The following TRIO variants were observed in gnomAD, a reference collection of about 807,000 sequenced individuals.
TRIO encodes the protein triple functional domain protein.
Under a neutral mutation model 351.9 loss-of-function variants are expected in TRIO, and 58 were observed. The observed-to-expected ratio is 0.16, with a 90% CI of 0.13 to 0.21. The LOEUF is 0.21. TRIO is among the 10% of genes least tolerant of loss of function. TRIO has a pLI of 1.00. For synonymous variants in TRIO, 1,758 were observed against 1,595.7 expected (o/e 1.10, Z -2.42); for missense variants, 3,201 against 4,027.8 (o/e 0.79, Z 5.56).
At chr5:14,221,256 A>G (rs144651709) in intron 1 of TRIO, among the ~76,000 whole-genome samples, 2 of 152,262 alleles carry the variant, frequency 1.3e-5, no homozygotes, top group African/African-American at 4.8e-5. Context: ...ACTGATGCTC[A>G]TTGACAATAC....
At chr5:14,423,854 C>T (rs1021936773) in intron 34 of TRIO, among the ~76,000 whole-genome samples, 15 of 152,106 alleles carry the variant, frequency 9.9e-5, no homozygotes, top group East Asian at 5.8e-4. Context: ...GCCTGTGTCC[C>T]GCACTACTGC....
intron 37 of TRIO, among the ~76,000 whole-genome samples, chr5:14,471,033 G>T (rs1484064790): frequency 6.6e-6 from 1 of 152,176 alleles, no homozygotes; most frequent in Non-Finnish European, 1.5e-5. Flanking sequence ...ACATAAGCAA[G>T]TATAACATTT....
intron 29 of TRIO, 143 bp from the exon 30 acceptor site, chr5:14,398,737 G>T: frequency 1.4e-6 from 1 of 718,024 alleles, no homozygotes; most frequent in Non-Finnish European, 2.3e-6. Context: ...CAGTGGCGTC[G>T]AGTCAGGATC....
rs771740751 is a variant in TRIO at position 14,359,395 on chromosome 5, G to A, written c.2255G>A (p.Ser752Asn). 1.2e-6 allele frequency: 2 copies of A among 1,614,106 alleles called. No individual in the cohort carries two copies. The highest frequency in any genetic ancestry group is 2.7e-5 in the African/African-American group (2 of 74,954). ...TCCAGTAACAAGACCCCCCACAACAGCTCCATCAACCACATTGAGACGGTG... is the reference window on the plus strand; with the variant it reads ...TCCAGTAACAAGACCCCCCACAACAACTCCATCAACCACATTGAGACGGTG... ...AISSNKTPHN[S>N]SINHIETVLQ... The change falls in exon 13 of 57, where the codon AGC (serine) becomes AAC (asparagine). Residue 752 changes from serine (S) to asparagine (N), a missense_variant. Ser to Asn is a conservative substitution (Grantham distance 46). Coordinates refer to ENST00000344204, the MANE Select transcript of TRIO (RefSeq NM_007118.4).
At chr5:14,259,146 T>G (rs990629320) in intron 1 of TRIO, among the ~76,000 whole-genome samples, 3 of 152,262 alleles carry the variant, frequency 2.0e-5, no homozygotes, top group African/African-American at 7.2e-5. Flanking sequence ...CTTTCGGTTT[T>G]AGTGTGTGTG....
intron 31 of TRIO, among the ~76,000 whole-genome samples, chr5:14,402,722 TGGTGTAGATGGTGGTGATGAG>T (rs1476133115): frequency 6.6e-6 from 1 of 151,592 alleles, no homozygotes; most frequent in East Asian, 1.9e-4. Flanking sequence ...ATGGTGGCAG[TGGTGTAGATGGTGGTGATGAG>T]GGTATAGATG....
At chr5:14,475,400 C>G (rs1313511325) in intron 40 of TRIO, among the ~76,000 whole-genome samples, 1 of 152,188 alleles carries the variant, frequency 6.6e-6, no homozygotes, top group East Asian at 1.9e-4. Flanking sequence ...CCATCAGACT[C>G]CTTCTCTTCT....
chr5:14,210,379 C>T (rs1018043672), intron 1 of TRIO, among the ~76,000 whole-genome samples: 57 of 152,148 alleles, frequency 3.7e-4, no homozygotes, highest in African/African-American at 1.3e-3. Flanking sequence ...CCCCAGGCTC[C>T]GCACCCTCTG....
chr5:14,333,846 C>T (rs1404842720), intron 10 of TRIO, among the ~76,000 whole-genome samples: 1 of 152,176 alleles, frequency 6.6e-6, no homozygotes, highest in Non-Finnish European at 1.5e-5. Flanking sequence ...CTTTTAATCC[C>T]CATGGCAGGG....
At chr5:14,222,107 C>A (rs1007234188) in intron 1 of TRIO, among the ~76,000 whole-genome samples, 1 of 151,646 alleles carries the variant, frequency 6.6e-6, no homozygotes, top group African/African-American at 2.4e-5. Context: ...TTACGACTCT[C>A]TGAAGGCTCA....
In TRIO at chr5:14,396,280, G is replaced by A. The variant is rs141954507; in HGVS notation, c.4312-763G>A. ...CATGCGGTGTTACTGTTTCTGCTGC[G>A]TGGATTGGCTGGTCCGGTTTAGATG... On this transcript the variant is annotated intron_variant, in intron 28 of 56. Coordinates refer to ENST00000344204, the MANE Select transcript of TRIO (RefSeq NM_007118.4). 1.3e-3 allele frequency among the ~76,000 whole-genome samples: 203 copies of A among 151,962 alleles called. 4 individuals carry two copies. The South Asian group carries it at 0.028, about 21-fold the overall frequency.
chr5:14,488,808 G>T (rs1371217687), intron 48 of TRIO: 5 of 631,024 alleles, frequency 7.9e-6, no homozygotes, highest in Non-Finnish European at 1.4e-5. Context: ...CTGTCCACTG[G>T]GAACGCTTTA....
intron 34 of TRIO, among the ~76,000 whole-genome samples, chr5:14,432,810 A>T (rs746962079): frequency 2.6e-4 from 39 of 152,292 alleles, no homozygotes; most frequent in Non-Finnish European, 4.4e-5. Flanking sequence ...CCCTTTCCTA[A>T]ATCAAAATCA....
At chr5:14,369,629 C>T (rs1196425014) in intron 18 of TRIO, 106 bp downstream of exon 18, 5 of 1,379,944 alleles carry the variant, frequency 3.6e-6, no homozygotes, top group Non-Finnish European at 4.8e-6. Flanking sequence ...ACACCTCTTG[C>T]CTGCTGTGGA....
chr5:14,292,282 A>G (rs1349877475), intron 5 of TRIO, among the ~76,000 whole-genome samples: 1 of 152,250 alleles, frequency 6.6e-6, no homozygotes, highest in Non-Finnish European at 1.5e-5. Flanking sequence ...CACCTTGTCT[A>G]AGAGACTGGA....
At chr5:14,476,804 G>T in intron 40 of TRIO, 90 bp from the exon 41 acceptor site, 26 of 1,046,806 alleles carry the variant, frequency 2.5e-5, no homozygotes, top group Non-Finnish European at 3.3e-5. Flanking sequence ...AAAAAAAAAA[G>T]AAAAAAAGAA....
chr5:14,487,843 A>T lies in TRIO; in HGVS notation c.7215A>T (p.Glu2405Asp). The T allele has an allele frequency of 6.6e-7, 1 of 1,523,132 alleles. No homozygotes were observed. Among genetic ancestry groups the T allele is most frequent in the Non-Finnish European group, 8.8e-7 (1 of 1,134,824 alleles). 94.4% of individuals were successfully genotyped at this position (1,523,132 alleles called of 1,614,324 possible). ...PGADAEGSER[E>D]AEPIPKMKVL... is the part of the protein sequence containing the mutation. ...CGGACGCCGAGGGGTCCGAGCGAGAAGCGGAGCCGATCCCCAAGATGAAGG... is the reference window on the plus strand; with the variant it reads ...CGGACGCCGAGGGGTCCGAGCGAGATGCGGAGCCGATCCCCAAGATGAAGG... Residue 2405 changes from glutamate to aspartate, a missense_variant, in exon 48 of 57, where the codon GAA (glutamate) becomes GAT (aspartate). Physicochemically the swap from Glu to Asp is conservative, Grantham distance 45. Transcript: ENST00000344204.
intron 54 of TRIO, 87 bp downstream of exon 54, chr5:14,502,744 T>C (rs1233186999): frequency 4.6e-6 from 6 of 1,307,350 alleles, no homozygotes; most frequent in Middle Eastern, 1.9e-4. Flanking sequence ...CTAAGCAGTG[T>C]TATCTTGCCA....
chr5:14,241,230 G>A (rs1353713903), intron 1 of TRIO, among the ~76,000 whole-genome samples: 1 of 152,048 alleles, frequency 6.6e-6, no homozygotes, highest in African/African-American at 2.4e-5. Flanking sequence ...ACATTTTGGG[G>A]GGCCTTCCTC....
Sources: gnomAD v4.1 joint callset for allele counts (sites outside exome capture counted in the v4.1 genomes callset) on GRCh38, gnomAD v4.1.1 for gene constraint, MANE v1.5 for transcripts, NCBI Gene and HGNC (gene_info 2026-07-23, HGNC 2026-07-21) for gene names.